Variants in OTOA observed in about 807,000 individuals in gnomAD.
The protein encoded by OTOA is cancer/testis antigen 108.
OTOA carries 70 observed loss-of-function variants against 110.8 expected under a neutral mutation model. The ratio of observed to expected loss-of-function variants is 0.63; its 90% CI spans 0.52 to 0.77. The LOEUF (loss-of-function observed/expected upper bound fraction) is 0.77. OTOA is among the 30% of genes least tolerant of loss of function. The pLI is 0.00. For synonymous variants in OTOA, 373 were observed against 431.5 expected (o/e 0.86, Z 1.68); for missense variants, 917 against 1,075.8 (o/e 0.85, Z 2.06).
intron 24 of OTOA, among the ~76,000 whole-genome samples, chr16:21,749,520 C>T (rs1343808539): frequency 1.1e-4 from 16 of 149,082 alleles, no homozygotes; most frequent in East Asian, 4.1e-4. Flanking sequence ...CACAGTGAGA[C>T]GCTGTCTCAA....
At chr16:21,707,781 C>CCA (rs1368695396) in intron 12 of OTOA, among the ~76,000 whole-genome samples, 2 of 122,936 alleles carry the variant, frequency 1.6e-5, no homozygotes, top group African/African-American at 6.3e-5. Flanking sequence ...CTCCCCCCCC[C>CCA]ATCCCTTTCC....
rs754205689 is a variant in OTOA, at chr16:21,678,549, T to G, written c.35T>G (p.Leu12Arg). The G allele has an allele frequency of 3.7e-6, 6 of 1,614,002 alleles. No individual in the cohort carries two copies. In the East Asian group the frequency reaches 8.9e-5, roughly 24 times the overall value. Reference protein sequence around the residue: ...SQEPTTYSLFLFLFLSHGVSS... With the variant: ...SQEPTTYSLFRFLFLSHGVSS... ...GAACCTACGACATACTCCCTTTTCC[T>G]ATTCCTTTTTCTGAGCCATGGAGTG... The change falls in exon 2 of 29, where the codon CTA becomes CGA. Residue 12 changes from leucine to arginine, a missense_variant. This residue lies in a region of OTOA where 840 missense variants were observed against 910.2 expected (regional missense o/e 0.92). Coordinates refer to ENST00000646100, the MANE Select transcript of OTOA (RefSeq NM_144672.4).
intron 9 of OTOA, 145 bp downstream of exon 9, chr16:21,691,832 C>A: frequency 1.4e-6 from 1 of 714,608 alleles, no homozygotes. Flanking sequence ...TTTGATGTGG[C>A]TTATGGAGTA....
rs569493650 is a variant in OTOA, at chr16:21,695,891, A to ATATATATATATATTTT, written c.740-1883_740-1882insATATATATATATTTTT. 1.5e-3 allele frequency among the ~76,000 whole-genome samples: 62 copies of ATATATATATATATTTT among 41,888 alleles called. 2 individuals are homozygous for ATATATATATATATTTT. The highest frequency in any genetic ancestry group is 8.9e-3 in the African/African-American group (61 of 6,832). The allele number at this position is 41,888 out of a possible 152,430, so 27.5% of individuals were successfully genotyped here. ...GATATATATATATATATATATATAT[A>ATATATATATATATTTT]TTTTTTTTTTTTTTTTTTTCTGAGA... On this transcript the variant is annotated intron_variant, in intron 9 of 28. Coordinates refer to ENST00000646100, the MANE Select transcript of OTOA (RefSeq NM_144672.4).
At chr16:21,727,554 A>G (rs1363386588) in intron 19 of OTOA, among the ~76,000 whole-genome samples, 1 of 152,196 alleles carries the variant, frequency 6.6e-6, no homozygotes, top group African/African-American at 2.4e-5. Context: ...AATGTGAACT[A>G]TTTTTGTCAT....
chr16:21,671,900 G>T (rs769887496), intron 1 of OTOA, among the ~76,000 whole-genome samples: 9 of 152,102 alleles, frequency 5.9e-5, no homozygotes, highest in Non-Finnish European at 8.8e-5. Flanking sequence ...TGGGAAGCTC[G>T]AAGGGAGGAT....
intron 1 of OTOA, among the ~76,000 whole-genome samples, chr16:21,666,478 C>T (rs1408487051): frequency 1.3e-5 from 2 of 152,096 alleles, no homozygotes; most frequent in Non-Finnish European, 2.9e-5. Context: ...TGACCAACTC[C>T]TCCGGGTTTG....
chr16:21,728,110 C>A, intron 19 of OTOA, 131 bp from the exon 20 acceptor site: 1 of 1,128,832 alleles, frequency 8.9e-7, no homozygotes, highest in Non-Finnish European at 1.3e-6. Flanking sequence ...AATGATCTGT[C>A]TGCCTCGGCC....
At chr16:21,712,688 A>AT (rs915914651) in intron 13 of OTOA, among the ~76,000 whole-genome samples, 4 of 151,230 alleles carry the variant, frequency 2.6e-5, no homozygotes, top group Non-Finnish European at 4.4e-5. Flanking sequence ...AAAATAAAAA[A>AT]AAAAAAATTA....
chr16:21,721,029 C>T (rs1597840995), intron 17 of OTOA, among the ~76,000 whole-genome samples: 1 of 151,450 alleles, frequency 6.6e-6, no homozygotes, highest in East Asian at 1.9e-4. Context: ...ATTCTCCTGC[C>T]TCAGTCTCCT....
At chr16:21,698,186 A>G (rs773335270) in intron 10 of OTOA, among the ~76,000 whole-genome samples, 7 of 152,186 alleles carry the variant, frequency 4.6e-5, no homozygotes, top group Non-Finnish European at 1.0e-4. Flanking sequence ...ATTTAAGGGT[A>G]TTTTTGTACT....
chr16:21,700,190 T>C (rs1898023656), intron 10 of OTOA, among the ~76,000 whole-genome samples: 1 of 152,132 alleles, frequency 6.6e-6, no homozygotes, highest in African/African-American at 2.4e-5. Context: ...GAACACATAC[T>C]CTTTTCCATC....
intron 9 of OTOA, among the ~76,000 whole-genome samples, chr16:21,695,889 ATATTTTTTT>A (rs1415199612): frequency 1.6e-5 from 1 of 63,654 alleles, no homozygotes; most frequent in Non-Finnish European, 2.6e-5. Flanking sequence ...ATATATATAT[ATATTTTTTT>A]TTTTTTTTTT....
At chr16:21,731,219 C>T (rs388884) in intron 21 of OTOA, among the ~76,000 whole-genome samples, 15 of 152,246 alleles carry the variant, frequency 9.9e-5, no homozygotes, top group South Asian at 2.1e-4. Flanking sequence ...CTCACACGCA[C>T]GTCTGTTCTG....
At chr16:21,735,162 A>G (rs1476558947) in intron 21 of OTOA, among the ~76,000 whole-genome samples, 2 of 151,420 alleles carry the variant, frequency 1.3e-5, no homozygotes, top group East Asian at 3.9e-4. Flanking sequence ...AAAAGAGACA[A>G]GAAAAGAGGA....
At chr16:21,717,581 T>C (rs928275787) in intron 15 of OTOA, among the ~76,000 whole-genome samples, 7 of 152,218 alleles carry the variant, frequency 4.6e-5, no homozygotes, top group Non-Finnish European at 1.0e-4. Flanking sequence ...GGGTCACTGA[T>C]ACATGCCACC....
intron 28 of OTOA, among the ~76,000 whole-genome samples, chr16:21,758,773 G>A (rs1900074135): frequency 6.6e-6 from 1 of 151,376 alleles, no homozygotes; most frequent in African/African-American, 2.4e-5. Flanking sequence ...GGCCGAGGTG[G>A]GCGGATCACC....
Position 21,733,988 on chromosome 16 carries a change from C to T in OTOA, c.2302-2273C>T, listed in dbSNP as rs71246379. Among the ~76,000 whole-genome samples the T allele has an allele frequency of 3.5e-4, 53 of 152,114 alleles. No homozygotes were observed. In the South Asian group the frequency reaches 6.4e-3, roughly 18 times the overall value. On this transcript the variant is annotated intron_variant, in intron 21 of 28. Transcript: ENST00000646100. The stretch of plus-strand genomic sequence containing the variant: ...TGAATTTTTGTATTTTTTGTAGAAA[C>T]GGGGTTTCACCGTGTTGGCCAGGCT...
chr16:21,684,324 G>A (rs1025290651), intron 6 of OTOA: 7 of 1,356,132 alleles, frequency 5.2e-6, no homozygotes, highest in Non-Finnish European at 6.7e-6. Flanking sequence ...TCTGTTTAAC[G>A]GAGATTTAGA....
Sources: allele counts gnomAD v4.1 joint callset (sites outside exome capture counted in the v4.1 genomes callset), GRCh38; gene constraint gnomAD v4.1.1; regional missense constraint gnomAD v4.1.1; transcripts MANE v1.5; gene names NCBI Gene and HGNC (gene_info 2026-07-23, HGNC 2026-07-21).